The following GPHN variants were observed in gnomAD, a reference collection of about 807,000 sequenced individuals.
The protein encoded by GPHN is gephyrin.
In GPHN, 17 loss-of-function variants were observed where a neutral mutation model predicts 95.5. The ratio of observed to expected loss-of-function variants is 0.18; its 90% CI spans 0.12 to 0.27. The LOEUF is 0.27. GPHN is among the 10% of genes least tolerant of loss of function. The pLI is 1.00. For missense variants in GPHN, 660 were observed against 978.1 expected (o/e 0.67, Z 4.34); for synonymous variants, 320 against 322.5 (o/e 0.99, Z 0.08).
intron 5 of GPHN, among the ~76,000 whole-genome samples, chr14:66,884,439 C>T (rs932589351): frequency 2.0e-5 from 3 of 152,196 alleles, no homozygotes; most frequent in South Asian, 2.1e-4. Flanking sequence ...AGATCCCTGA[C>T]TTCATATTTA....
At chr14:66,521,499 A>G (rs1360459963) in intron 1 of GPHN, among the ~76,000 whole-genome samples, 1 of 152,190 alleles carries the variant, frequency 6.6e-6, no homozygotes, top group Non-Finnish European at 1.5e-5. Flanking sequence ...GGTAATTTAT[A>G]AATAACAGAA....
chr14:67,556,803 T>C, the GPHN span, among the ~76,000 whole-genome samples: 67 of 152,284 alleles, frequency 4.4e-4, no homozygotes, highest in East Asian at 0.012. Flanking sequence ...TTGGACCCCA[T>C]TGGTTGGATC....
At position 66,575,696 on chromosome 14, in the gene GPHN, T is replaced by C. The variant is rs1030813046; in HGVS notation, c.64+67105T>C. Reference sequence around the variant, plus strand: ...GGAGCAGGCCTGGATCCTGGGTGCCTGGGGGCTGTCTTGGCATCAGAGTCT... The same window carrying C: ...GGAGCAGGCCTGGATCCTGGGTGCCCGGGGGCTGTCTTGGCATCAGAGTCT... On this transcript the variant is annotated intron_variant, in intron 1 of 22. Transcript: ENST00000478722. Among the ~76,000 whole-genome samples, 5 of 151,930 alleles carry C rather than the reference T, an allele frequency of 3.3e-5. No homozygotes were observed. The South Asian group carries it at 6.2e-4, about 19-fold the overall frequency.
chr14:66,903,487 GC>G (rs1468768309), intron 5 of GPHN, among the ~76,000 whole-genome samples: 1 of 152,038 alleles, frequency 6.6e-6, no homozygotes, highest in Non-Finnish European at 1.5e-5. Flanking sequence ...GCTCCCAGTT[GC>G]ATGGAATATC....
intron 3 of GPHN, among the ~76,000 whole-genome samples, chr14:66,809,358 A>AAATAATAAT (rs540241852): frequency 3.8e-4 from 58 of 151,796 alleles, no homozygotes; most frequent in African/African-American, 1.2e-3. Flanking sequence ...GAGTTTTCCT[A>AAATAATAAT]AATAATAATA....
the GPHN span, among the ~76,000 whole-genome samples, chr14:67,249,989 C>T: frequency 4.6e-5 from 7 of 152,074 alleles, 1 homozygote; most frequent in African/African-American, 1.4e-4. Flanking sequence ...AGTAACGCTT[C>T]GGAAAGTCTT....
intron 8 of GPHN, among the ~76,000 whole-genome samples, chr14:66,946,448 C>T (rs1334112004): frequency 2.0e-5 from 3 of 152,032 alleles, no homozygotes; most frequent in African/African-American, 7.2e-5. Flanking sequence ...CTCTTTTTGC[C>T]CAGGCTGGAG....
the GPHN span, chr14:67,592,808 CAG>C: frequency 1.2e-6 from 1 of 843,692 alleles, no homozygotes; most frequent in Non-Finnish European, 1.9e-6. Context: ...ATTTTTGAGA[CAG>C]AGTCTCTCTC....
At chr14:66,779,462 A>G (rs7150131) in intron 3 of GPHN, among the ~76,000 whole-genome samples, 38,312 of 152,034 alleles carry the variant, frequency 0.25, 9,728 homozygotes, top group African/African-American at 0.62. Context: ...TAAGCAATTA[A>G]TAAATATATA....
intron 11 of GPHN, among the ~76,000 whole-genome samples, chr14:67,079,772 C>T (rs111519397): frequency 0.027 from 4,143 of 152,102 alleles, 64 homozygotes; most frequent in Middle Eastern, 0.034. Context: ...CTCCCTCTAG[C>T]GTCTGATAAC....
intron 10 of GPHN, among the ~76,000 whole-genome samples, chr14:67,052,906 A>G (rs2075368313): frequency 6.6e-6 from 1 of 152,160 alleles, no homozygotes; most frequent in Non-Finnish European, 1.5e-5. Flanking sequence ...AATGAGAATA[A>G]AGAGACATCA....
chr14:66,872,825 A>G (rs1596228689), intron 4 of GPHN, among the ~76,000 whole-genome samples: 1 of 151,522 alleles, frequency 6.6e-6, no homozygotes, highest in Non-Finnish European at 1.5e-5. Context: ...AACCCGGGAG[A>G]CGGAGTTTGC....
chr14:67,572,117 T>G, the GPHN span: 7 of 1,600,606 alleles, frequency 4.4e-6, no homozygotes, highest in Middle Eastern at 1.7e-4. Flanking sequence ...GGGCCTTGAC[T>G]CCTCCTCCCT....
chr14:66,646,120 A>G (rs1233642722), intron 1 of GPHN, among the ~76,000 whole-genome samples: 1 of 152,190 alleles, frequency 6.6e-6, no homozygotes, highest in Non-Finnish European at 1.5e-5. Flanking sequence ...AAAAAAAACT[A>G]GATTAAAATT....
the GPHN span, among the ~76,000 whole-genome samples, chr14:67,226,542 G>A: frequency 6.6e-5 from 10 of 152,266 alleles, no homozygotes; most frequent in South Asian, 1.0e-3. Context: ...TGTATTTTTA[G>A]TAGAGACGGG....
the GPHN span, among the ~76,000 whole-genome samples, chr14:67,431,606 C>G: frequency 6.6e-6 from 1 of 151,880 alleles, no homozygotes. Context: ...GTGGGAGGAT[C>G]GCTTGAGCCC....
chr14:66,561,684 A>G (rs2060253335), intron 1 of GPHN, among the ~76,000 whole-genome samples: 1 of 152,170 alleles, frequency 6.6e-6, no homozygotes, highest in African/African-American at 2.4e-5. Flanking sequence ...GGCTGAGTAA[A>G]TTGACATTAA....
At chr14:66,995,335 C>A (rs2071711917) in intron 9 of GPHN, among the ~76,000 whole-genome samples, 1 of 152,134 alleles carries the variant, frequency 6.6e-6, no homozygotes, top group South Asian at 2.1e-4. Context: ...TCCAAAAATT[C>A]TGTGAATCAT....
chr14:66,527,642 G>T (rs898746007), intron 1 of GPHN, among the ~76,000 whole-genome samples: 3 of 152,114 alleles, frequency 2.0e-5, no homozygotes, highest in African/African-American at 7.2e-5. Context: ...CTTTAGCTGT[G>T]TCCCAGAGAT....
Sources: gnomAD v4.1 joint callset for allele counts (sites outside exome capture counted in the v4.1 genomes callset) on GRCh38, gnomAD v4.1.1 for gene constraint, MANE v1.5 for transcripts, NCBI Gene and HGNC (gene_info 2026-07-23, HGNC 2026-07-21) for gene names.